SNTG1: variants seen among roughly 807,000 people sequenced by gnomAD.
SNTG1 encodes the protein gamma-1-syntrophin.
Under a neutral mutation model 74.7 loss-of-function variants are expected in SNTG1, and 39 were observed. The ratio of observed to expected loss-of-function variants is 0.52; its 90% CI spans 0.40 to 0.68. SNTG1 has a LOEUF of 0.68. SNTG1 is among the 30% of genes least tolerant of loss of function. The pLI is 0.00. For synonymous variants in SNTG1, 254 were observed against 217.1 expected, an observed-to-expected ratio of 1.17 and a Z score of -1.49; for missense variants, 685 against 609.5, an observed-to-expected ratio of 1.12 and a Z score of -1.30.
chr8:50,639,576 G>C (rs1039316693), intron 13 of SNTG1, among the ~76,000 whole-genome samples: 2 of 151,888 alleles, frequency 1.3e-5, no homozygotes, highest in Admixed American at 1.3e-4. Context: ...GATATCAACA[G>C]AATTGTGTGC....
chr8:50,618,453 A>T (rs2094899310), intron 13 of SNTG1, among the ~76,000 whole-genome samples: 1 of 152,200 alleles, frequency 6.6e-6, no homozygotes, highest in African/African-American at 2.4e-5. Context: ...ACTTCAAGAA[A>T]AAATATTTGA....
At chr8:50,038,441 C>T (rs2130799329) in intron 1 of SNTG1, among the ~76,000 whole-genome samples, 1 of 152,266 alleles carries the variant, frequency 6.6e-6, no homozygotes, top group Middle Eastern at 3.4e-3. Context: ...TCACTCCTCT[C>T]TCCAACCCTC....
chr8:50,244,413 G>A (rs1424649405), intron 2 of SNTG1, among the ~76,000 whole-genome samples: 2 of 152,032 alleles, frequency 1.3e-5, no homozygotes, highest in African/African-American at 4.8e-5. Flanking sequence ...ATCAAGGGAG[G>A]CCTACAAAAT....
chr8:50,597,266 G>T (rs2094733924), intron 13 of SNTG1, among the ~76,000 whole-genome samples: 1 of 147,754 alleles, frequency 6.8e-6, no homozygotes, highest in Admixed American at 6.8e-5. Context: ...TTGTATAGCT[G>T]CAGAGAATAT....
At chr8:50,512,190 G>T (rs1238778518) in intron 9 of SNTG1, among the ~76,000 whole-genome samples, 1 of 151,912 alleles carries the variant, frequency 6.6e-6, no homozygotes, top group Non-Finnish European at 1.5e-5. Context: ...AGTTTGGCTG[G>T]ATATGAAATT....
chr8:50,002,734 C>A (rs1284662598), intron 1 of SNTG1, among the ~76,000 whole-genome samples: 3 of 151,996 alleles, frequency 2.0e-5, no homozygotes, highest in African/African-American at 7.2e-5. Flanking sequence ...TATGACCCAG[C>A]AATTTTGTTA....
intron 13 of SNTG1, among the ~76,000 whole-genome samples, chr8:50,615,505 A>C (rs1563650270): frequency 2.0e-5 from 3 of 152,170 alleles, no homozygotes; most frequent in African/African-American, 7.2e-5. Flanking sequence ...ATACAGAGAC[A>C]GTCGACAACA....
intron 15 of SNTG1, among the ~76,000 whole-genome samples, chr8:50,674,225 G>T (rs1014274221): frequency 3.9e-5 from 6 of 151,998 alleles, no homozygotes; most frequent in African/African-American, 2.4e-5. Flanking sequence ...CTTTTGGATT[G>T]TTTGGAATAG....
At chr8:50,756,913 C>A (rs2131720961) in intron 18 of SNTG1, among the ~76,000 whole-genome samples, 1 of 151,670 alleles carries the variant, frequency 6.6e-6, no homozygotes, top group East Asian at 1.9e-4. Context: ...AAATATATTC[C>A]ATTTATTTAG....
chr8:50,794,033 T>C lies in SNTG1; in HGVS notation c.*1204T>C, dbSNP rs1216091757. The C allele has an allele frequency of 6.6e-6, 1 of 151,868 alleles. No individual in the cohort carries two copies. Among genetic ancestry groups the C allele is most frequent in the African/African-American group, 2.4e-5 (1 of 41,386 alleles). 9.4% of individuals were successfully genotyped at this position (151,868 alleles called of 1,614,324 possible). ...TGCAATTTACTCAGATTCCAGGTAT[T>C]ATTCAACTAGTTGTATAACATGGAA... On this transcript the variant is annotated 3_prime_UTR_variant, in exon 19 of 19. Coordinates refer to ENST00000642720, the MANE Select transcript of SNTG1 (RefSeq NM_018967.5).
rs59954703 is a variant in SNTG1 at position 50,061,293 on chromosome 8, CGAACTTCT to C, written c.-102-111263_-102-111256del. ...GTTTTTACAGTTTGTAGTTTTCTGTCGAACTTCTGAACATAAAGTTGTTTATAGTGTTC... is the reference window on the plus strand; with the variant it reads ...GTTTTTACAGTTTGTAGTTTTCTGTCGAACATAAAGTTGTTTATAGTGTTC... On this transcript the variant is annotated intron_variant, in intron 1 of 18. Transcript: ENST00000642720. Among the ~76,000 whole-genome samples, 1,444 of 152,052 alleles carry C rather than the reference CGAACTTCT, an allele frequency of 9.5e-3. 27 individuals are homozygous for C. Among genetic ancestry groups the C allele is most frequent in the African/African-American group, 0.032 (1,310 of 41,496 alleles).
intron 1 of SNTG1, among the ~76,000 whole-genome samples, chr8:50,150,968 T>C (rs902988670): frequency 6.6e-5 from 10 of 152,216 alleles, no homozygotes; most frequent in African/African-American, 1.2e-4. Flanking sequence ...TTGATTGGGA[T>C]AGTTTCAGAA....
intron 11 of SNTG1, among the ~76,000 whole-genome samples, chr8:50,546,877 G>A (rs928816605): frequency 6.6e-6 from 1 of 152,074 alleles, no homozygotes; most frequent in Non-Finnish European, 1.5e-5. Flanking sequence ...TGCCTCCTGA[G>A]TTCAAACAAT....
chr8:50,225,012 C>A (rs867455123), intron 2 of SNTG1, among the ~76,000 whole-genome samples: 1 of 151,626 alleles, frequency 6.6e-6, no homozygotes, highest in African/African-American at 2.4e-5. Flanking sequence ...ACTCTGTTGC[C>A]CAGGCTGGAG....
At chr8:50,775,296 GAA>G (rs917670916) in intron 18 of SNTG1, among the ~76,000 whole-genome samples, 4 of 151,620 alleles carry the variant, frequency 2.6e-5, no homozygotes, top group Admixed American at 6.6e-5. Flanking sequence ...GATTGACAGT[GAA>G]ACAGTCAAAG....
At chr8:50,186,699 C>CT (rs957187835) in intron 2 of SNTG1, among the ~76,000 whole-genome samples, 2 of 151,864 alleles carry the variant, frequency 1.3e-5, no homozygotes, top group African/African-American at 4.8e-5. Flanking sequence ...TGTTCATATC[C>CT]TTTTAACACT....
chr8:50,444,069 C>G (rs934945898), intron 5 of SNTG1, among the ~76,000 whole-genome samples: 10 of 152,024 alleles, frequency 6.6e-5, no homozygotes, highest in South Asian at 2.1e-4. Flanking sequence ...ACCGGGGAGG[C>G]AGAGGTCGCA....
chr8:49,928,605 G>T (rs1341298576), intron 1 of SNTG1, among the ~76,000 whole-genome samples: 2 of 152,054 alleles, frequency 1.3e-5, no homozygotes, highest in African/African-American at 4.8e-5. Flanking sequence ...TAGGTTGTGG[G>T]TGTGGCAGCG....
intron 2 of SNTG1, among the ~76,000 whole-genome samples, chr8:50,376,756 TAGAGAGAGAG>T (rs58103614): frequency 5.6e-5 from 5 of 89,962 alleles, no homozygotes; most frequent in Admixed American, 1.3e-4. Context: ...TATATATATA[TAGAGAGAGAG>T]AGAGAGAGAG....
Sources: gnomAD v4.1 joint callset for allele counts (sites outside exome capture counted in the v4.1 genomes callset) on GRCh38, gnomAD v4.1.1 for gene constraint, MANE v1.5 for transcripts, NCBI Gene and HGNC (gene_info 2026-07-23, HGNC 2026-07-21) for gene names.